Variants in MYO18B observed in about 807,000 individuals in gnomAD.
The protein encoded by MYO18B is unconventional myosin-XVIIIb.
In MYO18B, 204 loss-of-function variants were observed where a neutral mutation model predicts 273.0. The observed-to-expected ratio is 0.75, with a 90% confidence interval of 0.67 to 0.84. The LOEUF is 0.84. Among genes scored for constraint, MYO18B ranks in the 40% least tolerant of loss-of-function variants. The pLI is 0.00. For missense variants in MYO18B, 3,212 were observed against 3,287.6 expected, an observed-to-expected ratio of 0.98 and a Z score of 0.56; for synonymous variants, 1,330 against 1,305.7, an observed-to-expected ratio of 1.02 and a Z score of -0.40.
intron 42 of MYO18B, among the ~76,000 whole-genome samples, chr22:26,015,106 G>T (rs1034253363): frequency 1.3e-5 from 2 of 152,028 alleles, no homozygotes; most frequent in African/African-American, 4.8e-5. Flanking sequence ...ATTGCTTTTG[G>T]CATCTTCATC....
At chr22:25,823,226 A>G (rs1228849692) in intron 12 of MYO18B, among the ~76,000 whole-genome samples, 1 of 152,200 alleles carries the variant, frequency 6.6e-6, no homozygotes, top group Non-Finnish European at 1.5e-5. Flanking sequence ...CCATCCCCCA[A>G]TTTCACAGTT....
intron 25 of MYO18B, among the ~76,000 whole-genome samples, chr22:25,884,327 C>T (rs2091433583): frequency 6.6e-6 from 1 of 152,222 alleles, no homozygotes; most frequent in African/African-American, 2.4e-5. Context: ...CATCCCAGGT[C>T]TCCTGACTCC....
intron 11 of MYO18B, among the ~76,000 whole-genome samples, chr22:25,791,835 G>T (rs1425054313): frequency 6.6e-6 from 1 of 152,176 alleles, no homozygotes; most frequent in African/African-American, 2.4e-5. Flanking sequence ...TCTCCCAACG[G>T]TTCTTTAAAT....
Position 25,956,088 on chromosome 22 carries a change from G to A in MYO18B, c.6156+724G>A, listed in dbSNP as rs115896906. Among the ~76,000 whole-genome samples, 1,277 of 152,218 alleles carry A rather than the reference G, an allele frequency of 8.4e-3. 19 individuals carry two copies. Among genetic ancestry groups the A allele is most frequent in the African/African-American group, 0.029 (1,219 of 41,516 alleles). ...TATCAACTTGCCAAATTGAGGCTCC[G>A]AATGGTCCATTTGCTTGCCCAGGGT... On this transcript the variant is annotated intron_variant, in intron 39 of 43. Coordinates refer to ENST00000335473, the MANE Select transcript of MYO18B (RefSeq NM_032608.7).
intron 22 of MYO18B, among the ~76,000 whole-genome samples, chr22:25,869,594 A>G (rs1415790051): frequency 1.3e-5 from 2 of 152,252 alleles, no homozygotes; most frequent in African/African-American, 4.8e-5. Flanking sequence ...AATGCCATCT[A>G]AGAAAACTTT....
intron 40 of MYO18B, among the ~76,000 whole-genome samples, chr22:25,999,875 G>A (rs1933780199): frequency 6.6e-6 from 1 of 152,044 alleles, no homozygotes; most frequent in Admixed American, 6.6e-5. Context: ...AGGCTGGTCT[G>A]GAACTCCTGA....
intron 34 of MYO18B, among the ~76,000 whole-genome samples, chr22:25,928,891 G>A (rs563787462): frequency 1.3e-4 from 20 of 152,200 alleles, no homozygotes; most frequent in African/African-American, 4.8e-4. Flanking sequence ...GCCAGGCATG[G>A]TGGCTCATGC....
chr22:26,035,468 A>G (rs1936760817), downstream of MYO18B, among the ~76,000 whole-genome samples: 1 of 152,208 alleles, frequency 6.6e-6, no homozygotes, highest in Admixed American at 6.5e-5. Flanking sequence ...GGTGATGCAG[A>G]AGAGAAGGAG....
intron 12 of MYO18B, among the ~76,000 whole-genome samples, chr22:25,818,133 GA>G (rs1231461581): frequency 3.3e-5 from 5 of 152,254 alleles, no homozygotes; most frequent in African/African-American, 1.2e-4. Flanking sequence ...TGGGTGGAGA[GA>G]AAAGTACCTG....
intron 21 of MYO18B, among the ~76,000 whole-genome samples, chr22:25,855,910 G>C (rs1032358517): frequency 1.3e-5 from 2 of 151,860 alleles, no homozygotes; most frequent in Non-Finnish European, 2.9e-5. Context: ...ATGTTACAAG[G>C]GTTTGGTGTA....
intron 12 of MYO18B, among the ~76,000 whole-genome samples, chr22:25,816,950 A>T (rs1325805666): frequency 6.6e-6 from 1 of 152,242 alleles, no homozygotes; most frequent in Non-Finnish European, 1.5e-5. Context: ...CATAATGTTG[A>T]GTAATTCAGC....
intron 34 of MYO18B, among the ~76,000 whole-genome samples, chr22:25,942,573 C>T (rs1475228294): frequency 1.3e-5 from 2 of 152,234 alleles, no homozygotes; most frequent in Admixed American, 1.3e-4. Context: ...TTGGAGCAAG[C>T]AGGCTCTCCA....
In MYO18B at chr22:25,898,466, G is replaced by A. The variant is rs2091859863; in HGVS notation, c.4823+5G>A. 6.2e-7 allele frequency: 1 copy of A among 1,613,078 alleles called. No individual in the cohort carries two copies. The highest frequency in any genetic ancestry group is 8.5e-7 in the Non-Finnish European group (1 of 1,179,514). On this transcript the variant is annotated splice_donor_5th_base_variant and intron_variant, in intron 29 of 43. Coordinates refer to ENST00000335473, the MANE Select transcript of MYO18B (RefSeq NM_032608.7). ...GCTGGAGAAGAAGCAGAAGAAGTGAGTTGCATCTCTCACCATCACCTGGGC... is the reference window on the plus strand; with the variant it reads ...GCTGGAGAAGAAGCAGAAGAAGTGAATTGCATCTCTCACCATCACCTGGGC...
At chr22:25,902,266 G>A (rs940362421) in intron 29 of MYO18B, among the ~76,000 whole-genome samples, 1 of 152,144 alleles carries the variant, frequency 6.6e-6, no homozygotes, top group African/African-American at 2.4e-5. Context: ...GATGATGGGG[G>A]CAGCAGAAGT....
At chr22:25,895,904 G>T (rs1308680516) in intron 28 of MYO18B, among the ~76,000 whole-genome samples, 1 of 151,742 alleles carries the variant, frequency 6.6e-6, no homozygotes, top group Non-Finnish European at 1.5e-5. Flanking sequence ...AGTAGTCACA[G>T]GTGTTCTGCA....
intron 39 of MYO18B, among the ~76,000 whole-genome samples, chr22:25,978,072 C>T (rs965244507): frequency 5.9e-5 from 9 of 152,222 alleles, no homozygotes; most frequent in Admixed American, 1.3e-4. Flanking sequence ...GAGTACTACA[C>T]GAGGTATTTG....
chr22:26,026,243 A>G (rs778231589), intron 42 of MYO18B, among the ~76,000 whole-genome samples: 1 of 152,228 alleles, frequency 6.6e-6, no homozygotes, highest in Non-Finnish European at 1.5e-5. Flanking sequence ...ATAGATAGAA[A>G]TTGCATTCGG....
At chr22:25,870,600 G>A (rs760785521) in intron 22 of MYO18B, among the ~76,000 whole-genome samples, 1 of 152,142 alleles carries the variant, frequency 6.6e-6, no homozygotes, top group East Asian at 1.9e-4. Context: ...TTTACAGATG[G>A]ATCTTTACGG....
At chr22:25,974,021 T>G (rs1006943269) in intron 39 of MYO18B, among the ~76,000 whole-genome samples, 1 of 152,190 alleles carries the variant, frequency 6.6e-6, no homozygotes, top group Non-Finnish European at 1.5e-5. Flanking sequence ...GAGGCAAACG[T>G]TATCATCTCA....
Sources: gnomAD v4.1 joint callset for allele counts (sites outside exome capture counted in the v4.1 genomes callset) on GRCh38, gnomAD v4.1.1 for gene constraint, MANE v1.5 for transcripts, NCBI Gene and HGNC (gene_info 2026-07-23, HGNC 2026-07-21) for gene names.